The following ARHGAP26 variants were observed in gnomAD, a reference collection of about 807,000 sequenced individuals.
ARHGAP26 encodes the protein rho GTPase-activating protein 26.
Under a neutral mutation model 104.8 loss-of-function variants are expected in ARHGAP26, and 38 were observed. The ratio of observed to expected loss-of-function variants is 0.36; its 90% CI spans 0.28 to 0.48. The LOEUF (loss-of-function observed/expected upper bound fraction) is 0.48, where lower values mean the gene tolerates loss of function less well. Among genes scored for constraint, ARHGAP26 ranks in the 20% least tolerant of loss-of-function variants. ARHGAP26 has a pLI of 0.99. For missense variants in ARHGAP26, 704 were observed against 947.9 expected (o/e 0.74, Z 3.38); for synonymous variants, 341 against 340.0 (o/e 1.00, Z -0.03).
chr5:143,202,818 A>G (rs1329675974), intron 20 of ARHGAP26: 1 of 152,202 alleles, frequency 6.6e-6, no homozygotes, highest in Non-Finnish European at 1.5e-5. Flanking sequence ...AAAAACAAGC[A>G]ATGGGGAAAG....
In ARHGAP26 at chr5:142,871,650, C is replaced by T. The variant is rs1411145633; in HGVS notation, c.155-1750C>T. Among the ~76,000 whole-genome samples the T allele has an allele frequency of 6.6e-6, 1 of 152,166 alleles. No individual in the cohort carries two copies. The highest frequency in any genetic ancestry group is 1.9e-4 in the East Asian group (1 of 5,200). ...TCTTTCCCTTTTTTCTTGTGTCTAC[C>T]TGTAGCCTCCTCCTGCCTTCCTGCC... On this transcript the variant is annotated intron_variant, in intron 1 of 22. Transcript: ENST00000645722. The surrounding 1 kb of genome is among the most constrained non-coding windows in gnomAD (Gnocchi z 4.1).
At chr5:142,880,908 T>C (rs1350462603) in intron 4 of ARHGAP26, among the ~76,000 whole-genome samples, 1 of 127,944 alleles carries the variant, frequency 7.8e-6, no homozygotes, top group Non-Finnish European at 1.5e-5. Context: ...GCAAAGACTT[T>C]CTCCCAGTTT....
intron 1 of ARHGAP26, among the ~76,000 whole-genome samples, chr5:142,818,999 C>T (rs1405440709): frequency 1.3e-5 from 2 of 152,138 alleles, no homozygotes; most frequent in Non-Finnish European, 2.9e-5. Context: ...CAGAGCTGTG[C>T]AGCACAGTGA....
intron 9 of ARHGAP26, among the ~76,000 whole-genome samples, chr5:142,909,550 G>A (rs1761556746): frequency 6.6e-6 from 1 of 152,154 alleles, no homozygotes; most frequent in Non-Finnish European, 1.5e-5. Flanking sequence ...AAGTTTATCA[G>A]CATCTCTGTT....
At chr5:142,993,811 A>T (rs1303249606) in intron 11 of ARHGAP26, among the ~76,000 whole-genome samples, 1 of 107,014 alleles carries the variant, frequency 9.3e-6, no homozygotes, top group Non-Finnish European at 1.9e-5. Context: ...ATGCCCAGCT[A>T]ATTTCTTTTT....
At chr5:142,936,107 G>GC (rs34092817) in intron 11 of ARHGAP26, among the ~76,000 whole-genome samples, 1 of 105,466 alleles carries the variant, frequency 9.5e-6, no homozygotes, top group Non-Finnish European at 1.7e-5. Flanking sequence ...AAATCCCAAG[G>GC]AACACACACA....
chr5:142,795,667 C>A (rs372517249), intron 1 of ARHGAP26, among the ~76,000 whole-genome samples: 13 of 152,210 alleles, frequency 8.5e-5, no homozygotes, highest in African/African-American at 2.4e-4. Flanking sequence ...AATTTATCGC[C>A]TATCAAGGCC....
At chr5:142,890,144 AAAAAAAAAT>A (rs1369920476) in intron 5 of ARHGAP26, among the ~76,000 whole-genome samples, 2 of 89,206 alleles carry the variant, frequency 2.2e-5, no homozygotes, top group African/African-American at 4.8e-5. Context: ...CTTAAAAAAA[AAAAAAAAAT>A]ATATATATAT....
intron 11 of ARHGAP26, among the ~76,000 whole-genome samples, chr5:143,009,403 T>C (rs1472386936): frequency 6.6e-6 from 1 of 152,210 alleles, no homozygotes; most frequent in Non-Finnish European, 1.5e-5. Context: ...TGGGAGTTCC[T>C]GTCTGGACTC....
chr5:142,907,695 A>G lies in ARHGAP26; in HGVS notation c.833-9A>G. The G allele has an allele frequency of 6.3e-7, 1 of 1,581,386 alleles. No individual in the cohort carries two copies. Among genetic ancestry groups the G allele is most frequent in the Non-Finnish European group, 8.6e-7 (1 of 1,156,506 alleles). ...GTATAGATATTTTATGGGAAATATT[A>G]CCTTTCAGGTCACTTTGGAACTTCT... On this transcript the variant is annotated splice_polypyrimidine_tract_variant and intron_variant, in intron 8 of 22. Transcript: ENST00000645722.
At chr5:142,910,648 A>T (rs1761713281) in intron 9 of ARHGAP26, among the ~76,000 whole-genome samples, 1 of 152,170 alleles carries the variant, frequency 6.6e-6, no homozygotes, top group Non-Finnish European at 1.5e-5. Context: ...CTGAGGCAGG[A>T]GAATCGCTTG....
chr5:142,770,857 C>G lies in ARHGAP26; in HGVS notation c.96C>G (p.Thr32=). ...CGCACGAAGCAGAGCTGGACAAGAC[C>G]AACAAATTCATCAAGGAGCTCATCA... ...LKSHEAELDK[T]NKFIKELIKD... Residue 32 remains threonine, a synonymous_variant, in exon 1 of 23, where the codon ACC becomes ACG. Transcript: ENST00000645722. The G allele has an allele frequency of 6.2e-7, 1 of 1,611,892 alleles. No individual in the cohort carries two copies. Among genetic ancestry groups the G allele is most frequent in the Non-Finnish European group, 8.5e-7 (1 of 1,178,908 alleles).
chr5:143,103,484 C>T (rs1388089020), intron 17 of ARHGAP26: 7 of 152,282 alleles, frequency 4.6e-5, no homozygotes, highest in African/African-American at 1.2e-4. Flanking sequence ...ACTGTAAAGA[C>T]ACATGCACAC....
chr5:142,902,921 G>A (rs1178003059), intron 7 of ARHGAP26, among the ~76,000 whole-genome samples: 12 of 152,150 alleles, frequency 7.9e-5, no homozygotes, highest in Non-Finnish European at 1.6e-4. Flanking sequence ...ACCTGGACTC[G>A]CAGAGGGGGA....
intron 21 of ARHGAP26, 79 bp from the exon 22 acceptor site, chr5:143,213,918 G>A (rs993025373): frequency 4.2e-6 from 4 of 963,190 alleles, no homozygotes; most frequent in Admixed American, 2.1e-5. Flanking sequence ...TACAGGGAAA[G>A]GGAAGAAGAG....
chr5:142,830,398 C>A (rs982257478), intron 1 of ARHGAP26, among the ~76,000 whole-genome samples: 4 of 151,814 alleles, frequency 2.6e-5, no homozygotes, highest in African/African-American at 4.8e-5. Context: ...TAATAAGTTG[C>A]GGTGGAGGGT....
At chr5:143,175,893 C>A (rs1292453192) in intron 20 of ARHGAP26, among the ~76,000 whole-genome samples, 1 of 152,136 alleles carries the variant, frequency 6.6e-6, no homozygotes, top group African/African-American at 2.4e-5. Context: ...GCAGGTGGAT[C>A]AACTGAGGTC....
At chr5:142,980,580 G>T (rs1472677410) in intron 11 of ARHGAP26, among the ~76,000 whole-genome samples, 1 of 151,826 alleles carries the variant, frequency 6.6e-6, no homozygotes, top group Non-Finnish European at 1.5e-5. Context: ...GTAAAGATGG[G>T]GTTTCACCAT....
intron 14 of ARHGAP26, among the ~76,000 whole-genome samples, chr5:143,051,780 C>G (rs1393550969): frequency 6.6e-6 from 1 of 151,948 alleles, no homozygotes; most frequent in African/African-American, 2.4e-5. Flanking sequence ...TAAGTGGAAG[C>G]TAATCATTAG....
Sources: allele counts gnomAD v4.1 joint callset (sites outside exome capture counted in the v4.1 genomes callset), GRCh38; gene constraint gnomAD v4.1.1; non-coding constraint Gnocchi (gnomAD v3.1); transcripts MANE v1.5; gene names NCBI Gene and HGNC (gene_info 2026-07-23, HGNC 2026-07-21).